The following ITGBL1 variants were observed in gnomAD, a reference collection of about 807,000 sequenced individuals.
The protein encoded by ITGBL1 is integrin subunit beta like 1, also known as integrin beta-like protein 1.
ITGBL1 carries 51 observed loss-of-function variants against 68.5 expected under a neutral mutation model. The ratio of observed to expected loss-of-function variants is 0.74; its 90% CI spans 0.59 to 0.94. The LOEUF (loss-of-function observed/expected upper bound fraction) is 0.94, where lower values mean the gene tolerates loss of function less well. Ranked by LOEUF, ITGBL1 falls within the 40% of genes least tolerant of loss-of-function variation. The pLI is 0.00. For missense variants in ITGBL1, 649 were observed against 647.4 expected (o/e 1.00, Z -0.03); for synonymous variants, 209 against 227.3 (o/e 0.92, Z 0.72).
At chr13:101,543,129 G>T (rs1370907662) in intron 2 of ITGBL1, among the ~76,000 whole-genome samples, 1 of 152,184 alleles carries the variant, frequency 6.6e-6, no homozygotes, top group Non-Finnish European at 1.5e-5. Context: ...TTGTTCGTTA[G>T]TTGATGCAGT....
At chr13:101,579,938 A>T (rs977142973) in intron 5 of ITGBL1, among the ~76,000 whole-genome samples, 1 of 152,242 alleles carries the variant, frequency 6.6e-6, no homozygotes, top group Non-Finnish European at 1.5e-5. Context: ...TATACAAAGT[A>T]TGTATCCAAT....
At chr13:101,648,950 C>T (rs923585218) in intron 7 of ITGBL1, among the ~76,000 whole-genome samples, 6 of 151,270 alleles carry the variant, frequency 4.0e-5, no homozygotes, top group African/African-American at 1.5e-4. Flanking sequence ...TTGTGCATTT[C>T]TCTGTATATG....
chr13:101,538,080 G>T (rs2049610621), intron 2 of ITGBL1, among the ~76,000 whole-genome samples: 1 of 151,832 alleles, frequency 6.6e-6, no homozygotes, highest in Admixed American at 6.6e-5. Flanking sequence ...GTCATTTGAA[G>T]GATAATTATA....
chr13:101,452,811 C>T lies in ITGBL1; in HGVS notation c.-23C>T. The T allele has an allele frequency of 6.2e-7, 1 of 1,605,428 alleles. No individual in the cohort carries two copies. The highest frequency in any genetic ancestry group is 8.5e-7 in the Non-Finnish European group (1 of 1,172,460). On this transcript the variant is annotated 5_prime_UTR_variant, in exon 1 of 11. Coordinates refer to ENST00000376180, the MANE Select transcript of ITGBL1 (RefSeq NM_004791.3). ...CCCACCTTGCAGAAGTGCAGCTCGC[C>T]CGGAGCAGCCCAGGAGCTCAGCATG... is the stretch of plus-strand genomic sequence containing the variant.
At chr13:101,612,229 T>G (rs894456304) in intron 7 of ITGBL1, among the ~76,000 whole-genome samples, 1 of 152,214 alleles carries the variant, frequency 6.6e-6, no homozygotes, top group Non-Finnish European at 1.5e-5. Flanking sequence ...CCAAATGGCC[T>G]GGCATGGTAC....
At chr13:101,605,294 A>G (rs368788713) in intron 7 of ITGBL1, among the ~76,000 whole-genome samples, 4 of 137,976 alleles carry the variant, frequency 2.9e-5, no homozygotes, top group Admixed American at 1.5e-4. Flanking sequence ...GCGTATATAT[A>G]CACATATATA....
chr13:101,533,158 T>G (rs2049512089), intron 2 of ITGBL1, among the ~76,000 whole-genome samples: 1 of 152,194 alleles, frequency 6.6e-6, no homozygotes, highest in South Asian at 2.1e-4. Context: ...AGGGTGAAAG[T>G]TCCTCAGCAC....
At chr13:101,672,472 A>T (rs1038175457) in intron 7 of ITGBL1, among the ~76,000 whole-genome samples, 1 of 152,214 alleles carries the variant, frequency 6.6e-6, no homozygotes, top group African/African-American at 2.4e-5. Context: ...TCAAAATGGC[A>T]GCTCCATCCT....
chr13:101,694,880 A>T (rs1468621858), intron 8 of ITGBL1, among the ~76,000 whole-genome samples: 1 of 152,212 alleles, frequency 6.6e-6, no homozygotes, highest in South Asian at 2.1e-4. Flanking sequence ...AAAGATTTTC[A>T]TATGGGAATT....
At chr13:101,583,429 A>G (rs1488128946) in intron 6 of ITGBL1, 73 bp downstream of exon 6, 4 of 1,083,668 alleles carry the variant, frequency 3.7e-6, no homozygotes, top group Admixed American at 2.8e-5. Context: ...AAAAAAAAAA[A>G]GCAATTAGAA....
chr13:101,453,211 C>G (rs573441771), intron 1 of ITGBL1, among the ~76,000 whole-genome samples: 1 of 152,272 alleles, frequency 6.6e-6, no homozygotes, highest in East Asian at 1.9e-4. Flanking sequence ...AGTTAAAATG[C>G]TATGTGTACC....
chr13:101,524,434 G>C (rs1266960753), intron 2 of ITGBL1, among the ~76,000 whole-genome samples: 7 of 149,712 alleles, frequency 4.7e-5, no homozygotes, highest in African/African-American at 1.7e-4. Flanking sequence ...CTTAAAAAAT[G>C]ACACCAGGGC....
At chr13:101,600,936 G>A (rs368431379) in intron 7 of ITGBL1, among the ~76,000 whole-genome samples, 2 of 152,134 alleles carry the variant, frequency 1.3e-5, no homozygotes, top group African/African-American at 4.8e-5. Context: ...TTGGTATCAG[G>A]ATGATGCTGA....
At chr13:101,599,404 G>T (rs1240660458) in intron 7 of ITGBL1, among the ~76,000 whole-genome samples, 1 of 149,962 alleles carries the variant, frequency 6.7e-6, no homozygotes, top group South Asian at 2.1e-4. Context: ...CACTCTGATG[G>T]TGGTTTCTTT....
intron 2 of ITGBL1, among the ~76,000 whole-genome samples, chr13:101,514,954 T>A (rs1341325627): frequency 6.6e-6 from 1 of 152,056 alleles, no homozygotes; most frequent in African/African-American, 2.4e-5. Flanking sequence ...AAATACAAAG[T>A]GCAACTAACA....
intron 7 of ITGBL1, among the ~76,000 whole-genome samples, chr13:101,605,152 G>GTCTA (rs1470485853): frequency 1.2e-4 from 9 of 75,872 alleles, no homozygotes; most frequent in Non-Finnish European, 2.4e-4. Context: ...ATATACATAT[G>GTCTA]TGTGTGTATA....
At chr13:101,598,388 GTTTT>G in intron 7 of ITGBL1, 89 bp downstream of exon 7, 1 of 1,087,204 alleles carries the variant, frequency 9.2e-7, no homozygotes, top group Non-Finnish European at 1.2e-6. Flanking sequence ...TTGTTTGTTT[GTTTT>G]TTGTTTTCTG....
At chr13:101,621,827 T>C (rs1017704759) in intron 7 of ITGBL1, among the ~76,000 whole-genome samples, 2 of 152,066 alleles carry the variant, frequency 1.3e-5, no homozygotes, top group Admixed American at 6.6e-5. Flanking sequence ...GAGGGGATAA[T>C]TGAAATAAGG....
At chr13:101,683,686 C>G (rs2033694089) in intron 7 of ITGBL1, among the ~76,000 whole-genome samples, 1 of 151,976 alleles carries the variant, frequency 6.6e-6, no homozygotes, top group South Asian at 2.1e-4. Context: ...TATTCTCACC[C>G]TCTGCAAAAG....
Sources: gnomAD v4.1 joint callset for allele counts (sites outside exome capture counted in the v4.1 genomes callset) on GRCh38, gnomAD v4.1.1 for gene constraint, MANE v1.5 for transcripts, NCBI Gene and HGNC (gene_info 2026-07-23, HGNC 2026-07-21) for gene names.